NPHP4: variants seen among roughly 807,000 people sequenced by gnomAD.
NPHP4 encodes nephrocystin 4, also known as nephrocystin-4.
In NPHP4, 151 loss-of-function variants were observed where a neutral mutation model predicts 155.8. The ratio of observed to expected loss-of-function variants is 0.97; its 90% CI spans 0.85 to 1.11. The LOEUF (loss-of-function observed/expected upper bound fraction) is 1.11, where lower values mean the gene tolerates loss of function less well. Ranked by LOEUF, NPHP4 falls within the 50% of genes least tolerant of loss-of-function variation. The pLI is 0.00. For missense variants in NPHP4, 1,956 were observed against 1,925.7 expected, an observed-to-expected ratio of 1.02 and a Z score of -0.29; for synonymous variants, 845 against 816.8, an observed-to-expected ratio of 1.03 and a Z score of -0.59.
intron 18 of NPHP4, among the ~76,000 whole-genome samples, chr1:5,885,605 C>T (rs1286203743): frequency 1.3e-5 from 2 of 152,246 alleles, no homozygotes; most frequent in African/African-American, 2.4e-5. Context: ...ACCCATGTCC[C>T]CAGCCATGGC....
Position 5,865,181 on chromosome 1 carries a change from G to A in NPHP4, c.3737C>T (p.Thr1246Ile). The stretch of plus-strand genomic sequence containing the variant: ...CCCCCGAAGGACAAGGGACAGGCGG[G>A]TCAGCTGGCCTGCGACGCAGGAGAC... ...VDVSCVAGQL[T>I]RLSLVLRGTQ... is the part of the protein sequence containing the mutation. The change falls in exon 27 of 30, where the codon ACC becomes ATC. Residue 1246 changes from threonine to isoleucine, a missense_variant. Thr to Ile is a moderately conservative substitution (Grantham distance 89, BLOSUM62 -1). Coordinates refer to ENST00000378156, the MANE Select transcript of NPHP4 (RefSeq NM_015102.5). 1 of 1,612,932 alleles carries A rather than the reference G, an allele frequency of 6.2e-7. No homozygotes were observed. The highest frequency in any genetic ancestry group is 8.5e-7 in the Non-Finnish European group (1 of 1,179,528).
chr1:5,964,783 G>A (rs1396737027), intron 5 of NPHP4, among the ~76,000 whole-genome samples: 1 of 151,164 alleles, frequency 6.6e-6, no homozygotes, highest in Non-Finnish European at 1.5e-5. Flanking sequence ...AGAACCCAAA[G>A]AGAGAGGTTA....
At position 5,867,621 on chromosome 1, in the gene NPHP4, G is replaced by A. The variant is rs889774943; in HGVS notation, c.3472+119C>T. 2.0e-4 allele frequency: 203 copies of A among 1,035,252 alleles called. No homozygotes were observed. In the South Asian group the frequency reaches 2.1e-3, roughly 11 times the overall value. 64.1% of individuals were successfully genotyped at this position (1,035,252 alleles called of 1,614,324 possible). A position where few individuals can be genotyped will look rare whatever the true frequency, so the allele number is the denominator to read the frequency against. On this transcript the variant is annotated intron_variant, in intron 24 of 29. Coordinates refer to ENST00000378156, the MANE Select transcript of NPHP4 (RefSeq NM_015102.5). This position sits in a 1 kb window ranked among gnomAD's most constrained non-coding sequence, Gnocchi z 4.1. ...GGAGAGAGAATTCCCCAGGCCCCAC[G>A]TGCTGCTCTGACAGCACCAGGGCAT...
intron 11 of NPHP4, 51 bp downstream of exon 11, chr1:5,927,598 G>A: frequency 1.9e-6 from 3 of 1,557,126 alleles, no homozygotes; most frequent in South Asian, 1.2e-5. Context: ...GGAAGAGATG[G>A]AAGTGCTGCC....
Position 5,944,037 on chromosome 1 carries a change from T to TA in NPHP4, c.1119+3066dup, listed in dbSNP as rs1016342305. On this transcript the variant is annotated intron_variant, in intron 9 of 29. Transcript: ENST00000378156. This position sits in a 1 kb window ranked among gnomAD's most constrained non-coding sequence, Gnocchi z 4.3. ...AAATTTCCCAAAATAAAAAAGTTTT[T>TA]AAAAAAAAAAGAAATGTTCATGCCA... 1.1e-4 allele frequency among the ~76,000 whole-genome samples: 17 copies of TA among 149,828 alleles called. No individual in the cohort carries two copies. The highest frequency in any genetic ancestry group is 5.8e-4 in the East Asian group (3 of 5,132).
At chr1:5,972,347 G>A (rs1652723948) in intron 3 of NPHP4, among the ~76,000 whole-genome samples, 1 of 51,162 alleles carries the variant, frequency 2.0e-5, no homozygotes, top group Non-Finnish European at 3.8e-5. Flanking sequence ...AAGACAGCAG[G>A]GATCGGGGGA....
intron 5 of NPHP4, among the ~76,000 whole-genome samples, chr1:5,963,905 C>A (rs1650850906): frequency 6.6e-6 from 1 of 152,156 alleles, no homozygotes; most frequent in South Asian, 2.1e-4. Context: ...CCAGGCTGGT[C>A]TCGAACTCCT....
intron 18 of NPHP4, 27 bp from the exon 19 acceptor site, chr1:5,880,266 A>T (rs1244040181): frequency 1.9e-6 from 3 of 1,611,446 alleles, no homozygotes; most frequent in Non-Finnish European, 1.7e-6. Context: ...CCAACATAAG[A>T]CATGAACCCC....
chr1:5,932,856 C>A (rs1646347145), intron 10 of NPHP4, among the ~76,000 whole-genome samples: 1 of 152,144 alleles, frequency 6.6e-6, no homozygotes, highest in African/African-American at 2.4e-5. Flanking sequence ...ATGCTCCAAA[C>A]GTGCACGCCA....
intron 6 of NPHP4, among the ~76,000 whole-genome samples, chr1:5,959,610 G>A (rs1031343258): frequency 6.6e-6 from 1 of 152,154 alleles, no homozygotes; most frequent in East Asian, 1.9e-4. Flanking sequence ...CTACCCCTCC[G>A]GCTCCAAGAC....
chr1:5,920,849 T>G (rs1557739060), intron 11 of NPHP4, among the ~76,000 whole-genome samples: 2 of 152,252 alleles, frequency 1.3e-5, no homozygotes, highest in Admixed American at 1.3e-4. Flanking sequence ...CACAGAAGTT[T>G]TATATTTTAA....
At chr1:5,956,601 A>G (rs17028948) in intron 6 of NPHP4, among the ~76,000 whole-genome samples, 4,254 of 152,254 alleles carry the variant, frequency 0.028, 97 homozygotes, top group Middle Eastern at 0.071. Flanking sequence ...CTCAGCCACC[A>G]AGTTACTCTG....
At chr1:5,877,676 C>T (rs1329207092) in intron 19 of NPHP4, among the ~76,000 whole-genome samples, 3 of 152,204 alleles carry the variant, frequency 2.0e-5, no homozygotes, top group Admixed American at 6.5e-5. Context: ...CTCAGCCCCT[C>T]GGATCAGGAA....
intron 16 of NPHP4, among the ~76,000 whole-genome samples, chr1:5,898,900 T>A (rs1644530991): frequency 6.6e-6 from 1 of 151,894 alleles, no homozygotes; most frequent in Admixed American, 6.6e-5. Context: ...CCTGAACACA[T>A]GCCTCATGAA....
rs750821352 is a variant in NPHP4, at chr1:5,874,525, G to A, written c.3177C>T (p.Ala1059=). 2 of 1,589,932 alleles carry A rather than the reference G, an allele frequency of 1.3e-6. No homozygotes were observed. Among genetic ancestry groups the A allele is most frequent in the African/African-American group, 2.7e-5 (2 of 74,362 alleles). Residue 1059 remains alanine, a synonymous_variant, in exon 22 of 30, where the codon GCC becomes GCT. Transcript: ENST00000378156. ...PQLYLRPHET[A]HVPFKFQSFS... ...AGCTCTGGAACTTGAAGGGGACGTG[G>A]GCGGTCTCGTGGGGGCGCAGGTAGA...
intron 3 of NPHP4, 106 bp from the exon 4 acceptor site, chr1:5,969,365 A>ATT: frequency 1.6e-6 from 1 of 635,990 alleles, no homozygotes; most frequent in Non-Finnish European, 2.6e-6. Context: ...GTGCCACAGC[A>ATT]TCCGGAACCC....
At chr1:5,923,534 A>G (rs1306748154) in intron 11 of NPHP4, among the ~76,000 whole-genome samples, 2 of 152,178 alleles carry the variant, frequency 1.3e-5, no homozygotes, top group African/African-American at 2.4e-5. Flanking sequence ...CTAAGGCCAA[A>G]AGAGAAAGAA....
At chr1:5,898,596 C>T (rs1245225994) in intron 16 of NPHP4, among the ~76,000 whole-genome samples, 5 of 152,246 alleles carry the variant, frequency 3.3e-5, no homozygotes, top group African/African-American at 7.2e-5. Flanking sequence ...CGGGACATGG[C>T]AAAGGCCTGG....
intron 11 of NPHP4, among the ~76,000 whole-genome samples, chr1:5,911,381 G>A (rs1212989586): frequency 6.6e-6 from 1 of 152,208 alleles, no homozygotes; most frequent in Non-Finnish European, 1.5e-5. Flanking sequence ...TTTTGATAAT[G>A]AGGACAAATT....
Sources: allele counts gnomAD v4.1 joint callset (sites outside exome capture counted in the v4.1 genomes callset), GRCh38; gene constraint gnomAD v4.1.1; non-coding constraint Gnocchi (gnomAD v3.1); transcripts MANE v1.5; gene names NCBI Gene and HGNC (gene_info 2026-07-23, HGNC 2026-07-21).